Variants in TBX15 observed in about 807,000 individuals in gnomAD.
TBX15 encodes the protein T-box transcription factor TBX15.
TBX15 carries 18 observed loss-of-function variants against 53.9 expected under a neutral mutation model. The observed-to-expected ratio is 0.33, with a 90% confidence interval of 0.23 to 0.49. The LOEUF (loss-of-function observed/expected upper bound fraction) is 0.49, where lower values mean the gene tolerates loss of function less well. Among genes scored for constraint, TBX15 ranks in the 20% least tolerant of loss-of-function variants. TBX15 has a pLI of 0.98. For missense variants in TBX15, 692 were observed against 749.5 expected, an observed-to-expected ratio of 0.92 and a Z score of 0.90; for synonymous variants, 295 against 278.0, an observed-to-expected ratio of 1.06 and a Z score of -0.61.
Position 118,890,537 on chromosome 1 carries a change from A to G in TBX15, c.1025-5021T>C, listed in dbSNP as rs191829983. 1.6e-3 allele frequency among the ~76,000 whole-genome samples: 245 copies of G among 152,284 alleles called. 1 individual carries two copies. Among genetic ancestry groups the G allele is most frequent in the Non-Finnish European group, 2.5e-3 (171 of 68,024 alleles). ...TGACACACATGAAAATTCATATATGACATTAAATTGCTCCAATATCCAAGG... is the reference window on the plus strand; with the variant it reads ...TGACACACATGAAAATTCATATATGGCATTAAATTGCTCCAATATCCAAGG... On this transcript the variant is annotated intron_variant, in intron 7 of 7. Transcript: ENST00000369429.
At chr1:118,936,500 A>G (rs564874234) in intron 1 of TBX15, among the ~76,000 whole-genome samples, 16 of 152,082 alleles carry the variant, frequency 1.1e-4, no homozygotes, top group African/African-American at 3.6e-4. Context: ...ACTTGGCCTA[A>G]GTTTCCTTAT....
intron 6 of TBX15, among the ~76,000 whole-genome samples, chr1:118,912,319 AC>A (rs1351988502): frequency 1.2e-5 from 1 of 85,042 alleles, no homozygotes; most frequent in Admixed American, 9.0e-5. Context: ...TAACTTTAAG[AC>A]TTTTTGAAAA....
At chr1:118,976,637 A>AC (rs1381707251) in intron 1 of TBX15, among the ~76,000 whole-genome samples, 1 of 151,606 alleles carries the variant, frequency 6.6e-6, no homozygotes, top group African/African-American at 2.4e-5. Context: ...GCTTCTGCTC[A>AC]CCCCCTCTTC....
rs140071874 is a variant in TBX15 at position 118,885,713 on chromosome 1, T to TCACA, written c.1025-201_1025-198dup. ...GACATATACACAGTCATACAGTCTC[T>TCACA]CACACACACACACACACACACTCCA... is the stretch of plus-strand genomic sequence containing the variant. On this transcript the variant is annotated intron_variant, in intron 7 of 7. Coordinates refer to ENST00000369429, the MANE Select transcript of TBX15 (RefSeq NM_001330677.2). Among the ~76,000 whole-genome samples, 2,157 of 149,546 alleles carry TCACA rather than the reference T, an allele frequency of 0.014. 62 individuals are homozygous for TCACA. Among genetic ancestry groups the TCACA allele is most frequent in the African/African-American group, 0.05 (2,046 of 40,930 alleles).
chr1:118,985,251 CG>C (rs1008148381), intron 1 of TBX15, among the ~76,000 whole-genome samples: 3 of 152,134 alleles, frequency 2.0e-5, no homozygotes, highest in African/African-American at 7.2e-5. Flanking sequence ...GAGGCTCACC[CG>C]GGAAGAGACG....
chr1:118,911,774 A>C (rs1157072707), intron 6 of TBX15, among the ~76,000 whole-genome samples: 1 of 152,188 alleles, frequency 6.6e-6, no homozygotes, highest in East Asian at 1.9e-4. Context: ...GATGTTGCAC[A>C]GACATGCCTG....
intron 1 of TBX15, among the ~76,000 whole-genome samples, chr1:118,987,215 G>T (rs959159744): frequency 6.6e-6 from 1 of 152,198 alleles, no homozygotes; most frequent in Admixed American, 6.5e-5. Flanking sequence ...CAGTCCTCCC[G>T]AGTTCTCAGA....
chr1:118,954,800 T>C (rs890316406), intron 1 of TBX15, among the ~76,000 whole-genome samples: 4 of 152,216 alleles, frequency 2.6e-5, no homozygotes, highest in Admixed American at 2.6e-4. Context: ...CTAATCCAAA[T>C]GTTGGTATCC....
chr1:118,925,687 A>G (rs1184934683), intron 3 of TBX15, among the ~76,000 whole-genome samples: 1 of 152,136 alleles, frequency 6.6e-6, no homozygotes, highest in African/African-American at 2.4e-5. Context: ...AAGATCCCCT[A>G]AAACACGCTG....
chr1:118,986,772 G>A (rs1657853173), intron 1 of TBX15, among the ~76,000 whole-genome samples: 1 of 152,174 alleles, frequency 6.6e-6, no homozygotes, highest in African/African-American at 2.4e-5. Flanking sequence ...ATGTGCGCGC[G>A]CGCACACTCA....
intron 1 of TBX15, among the ~76,000 whole-genome samples, chr1:118,951,440 G>A (rs1253323769): frequency 1.3e-5 from 2 of 152,200 alleles, no homozygotes; most frequent in African/African-American, 2.4e-5. Context: ...GTCCAGTGGA[G>A]GGGTTTTGAG....
At chr1:118,938,531 A>G (rs1437454941) in intron 1 of TBX15, among the ~76,000 whole-genome samples, 11 of 152,228 alleles carry the variant, frequency 7.2e-5, no homozygotes. Context: ...GCTCAATGCC[A>G]TTAAAGTTTC....
chr1:118,920,101 A>C (rs535682894), intron 5 of TBX15, among the ~76,000 whole-genome samples: 3 of 152,218 alleles, frequency 2.0e-5, no homozygotes, highest in East Asian at 1.9e-4. Context: ...CGTCAATTGC[A>C]GAGTTGGGTC....
intron 1 of TBX15, among the ~76,000 whole-genome samples, chr1:118,975,845 T>C (rs1366814713): frequency 6.6e-6 from 1 of 152,168 alleles, no homozygotes; most frequent in Non-Finnish European, 1.5e-5. Flanking sequence ...GTCTTGGAGA[T>C]AAAACATAGG....
chr1:118,926,324 G>C (rs1198223098), intron 3 of TBX15, among the ~76,000 whole-genome samples, 186 bp downstream of exon 3: 1 of 152,130 alleles, frequency 6.6e-6, no homozygotes, highest in Non-Finnish European at 1.5e-5. Flanking sequence ...CAGAGACACA[G>C]GGGGGAATCC....
At chr1:118,976,911 T>C (rs1224418710) in intron 1 of TBX15, among the ~76,000 whole-genome samples, 1 of 152,166 alleles carries the variant, frequency 6.6e-6, no homozygotes, top group Admixed American at 6.5e-5. Flanking sequence ...TTGCAAACAA[T>C]TTCTTATCCA....
chr1:118,897,524 C>T (rs1654470996), intron 7 of TBX15, among the ~76,000 whole-genome samples: 1 of 152,152 alleles, frequency 6.6e-6, no homozygotes, highest in Admixed American at 6.5e-5. Flanking sequence ...AAGAAGCCAC[C>T]AGAGAACTAA....
At chr1:118,972,946 T>C (rs1657284283) in intron 1 of TBX15, among the ~76,000 whole-genome samples, 2 of 152,254 alleles carry the variant, frequency 1.3e-5, no homozygotes, top group East Asian at 1.9e-4. Flanking sequence ...GTGGTCTCAA[T>C]GTATGAAAAG....
At chr1:118,939,252 C>T (rs113876293) in intron 1 of TBX15, among the ~76,000 whole-genome samples, 3 of 151,108 alleles carry the variant, frequency 2.0e-5, no homozygotes, top group South Asian at 2.1e-4. Flanking sequence ...ACTAAAAATC[C>T]AAAAATTAGC....
Sources: gnomAD v4.1 joint callset for allele counts (sites outside exome capture counted in the v4.1 genomes callset) on GRCh38, gnomAD v4.1.1 for gene constraint, MANE v1.5 for transcripts, NCBI Gene and HGNC (gene_info 2026-07-23, HGNC 2026-07-21) for gene names.